Variants in TMEM17 observed in about 807,000 individuals in gnomAD.
TMEM17 encodes transmembrane protein 17.
TMEM17 carries 15 observed loss-of-function variants against 19.1 expected under a neutral mutation model. That is an observed-to-expected ratio of 0.78 (90% CI 0.52 to 1.21). The LOEUF (loss-of-function observed/expected upper bound fraction) is 1.21, where lower values mean the gene tolerates loss of function less well. Ranked by LOEUF, TMEM17 falls within the 50% of genes most tolerant of loss-of-function variation. The pLI is 0.00. For missense variants in TMEM17, 245 were observed against 242.3 expected, an observed-to-expected ratio of 1.01 and a Z score of -0.07; for synonymous variants, 103 against 86.9, an observed-to-expected ratio of 1.19 and a Z score of -1.03.
rs376566068 is a variant in TMEM17, at chr2:62,501,424, A to G, written c.382T>C (p.Leu128=). ...TTTGTTAGGCCTTCATTAAAGAGCA[A>G]GAAAAGAATTAAAGGTAACTGCAAT... ...LLLQLPLILF[L]LFNEGLTNLP... Residue 128 remains leucine (L), a synonymous_variant, in exon 4 of 4, where the codon TTG becomes CTG. Transcript: ENST00000335390. 6.8e-6 allele frequency: 11 copies of G among 1,614,132 alleles called. No homozygotes were observed. The African/African-American group carries it at 1.5e-4, about 22-fold the overall frequency.
chr2:62,470,636 G>A, the TMEM17 span, among the ~76,000 whole-genome samples: 1 of 152,196 alleles, frequency 6.6e-6, no homozygotes, highest in Non-Finnish European at 1.5e-5. Flanking sequence ...CACCACTGGG[G>A]GTGGGGTCCA....
chr2:62,484,289 T>C, the TMEM17 span, among the ~76,000 whole-genome samples: 5 of 152,190 alleles, frequency 3.3e-5, no homozygotes, highest in Admixed American at 2.0e-4. Flanking sequence ...CATTGAACAG[T>C]TGGGATGCAT....
intron 1 of TMEM17, among the ~76,000 whole-genome samples, chr2:62,503,164 T>G (rs1186637962): frequency 1.3e-5 from 2 of 152,156 alleles, no homozygotes; most frequent in Admixed American, 6.5e-5. Flanking sequence ...AATTAATGCA[T>G]AAAATAAATA....
intron 1 of TMEM17, among the ~76,000 whole-genome samples, chr2:62,505,769 C>A (rs1032330206): frequency 6.6e-6 from 1 of 152,262 alleles, no homozygotes; most frequent in South Asian, 2.1e-4. Context: ...GCACAGAGAT[C>A]GGCCCCACGT....
the TMEM17 span, among the ~76,000 whole-genome samples, chr2:62,465,988 G>A: frequency 2.0e-5 from 3 of 152,160 alleles, no homozygotes; most frequent in Non-Finnish European, 4.4e-5. Flanking sequence ...GTTTTAGTTG[G>A]AGAAAGGCAG....
the TMEM17 span, among the ~76,000 whole-genome samples, chr2:62,460,805 C>G: frequency 6.6e-6 from 1 of 152,080 alleles, no homozygotes; most frequent in African/African-American, 2.4e-5. Context: ...GAACTGGAAC[C>G]CTTGCCTCAT....
the TMEM17 span, among the ~76,000 whole-genome samples, chr2:62,488,789 CTACTT>C: frequency 1.0e-5 from 1 of 100,192 alleles, no homozygotes. Flanking sequence ...CTGTTTTATT[CTACTT>C]TTTTTTTTTT....
At chr2:62,461,768 G>A in the TMEM17 span, among the ~76,000 whole-genome samples, 9 of 152,282 alleles carry the variant, frequency 5.9e-5, no homozygotes, top group South Asian at 2.1e-4. Context: ...TGAAAACCTC[G>A]GAAGCAGCCC....
At chr2:62,470,846 C>A in the TMEM17 span, among the ~76,000 whole-genome samples, 1 of 152,324 alleles carries the variant, frequency 6.6e-6, no homozygotes, top group East Asian at 1.9e-4. Context: ...AACACTGCAA[C>A]CAACACCCTT....
downstream of TMEM17, among the ~76,000 whole-genome samples, chr2:62,496,976 A>C (rs1299651345): frequency 6.6e-6 from 1 of 152,174 alleles, no homozygotes; most frequent in Non-Finnish European, 1.5e-5. Flanking sequence ...AAAAAATAAT[A>C]ATCTAATAAC....
At chr2:62,456,411 G>T in the TMEM17 span, among the ~76,000 whole-genome samples, 7 of 151,756 alleles carry the variant, frequency 4.6e-5, no homozygotes, top group Non-Finnish European at 1.0e-4. Context: ...CTCTCTCTCT[G>T]TCTGCTTCCT....
the TMEM17 span, among the ~76,000 whole-genome samples, chr2:62,478,533 G>A: frequency 6.6e-6 from 1 of 152,140 alleles, no homozygotes; most frequent in Non-Finnish European, 1.5e-5. Flanking sequence ...AAATTTTGAG[G>A]CAACTAGACT....
chr2:62,465,235 A>G, the TMEM17 span, among the ~76,000 whole-genome samples: 2 of 152,228 alleles, frequency 1.3e-5, no homozygotes, highest in Admixed American at 6.5e-5. Flanking sequence ...GGAGTTGGTT[A>G]GGTCAGATCT....
At chr2:62,454,042 A>T in the TMEM17 span, among the ~76,000 whole-genome samples, 1 of 152,308 alleles carries the variant, frequency 6.6e-6, no homozygotes, top group East Asian at 1.9e-4. Flanking sequence ...CTTTTACTTA[A>T]AGGAAAGCTT....
chr2:62,478,458 A>G, the TMEM17 span, among the ~76,000 whole-genome samples: 1 of 152,242 alleles, frequency 6.6e-6, no homozygotes, highest in Admixed American at 6.5e-5. Context: ...CTCTGCATGC[A>G]GAAAGGCACA....
chr2:62,491,095 A>C, the TMEM17 span: 112 of 152,166 alleles, frequency 7.4e-4, 1 homozygote, highest in African/African-American at 2.4e-3. Context: ...AAAAAAAAAA[A>C]AAAAAAAAAA....
the TMEM17 span, among the ~76,000 whole-genome samples, chr2:62,477,874 G>A: frequency 1.3e-5 from 2 of 152,166 alleles, no homozygotes; most frequent in Non-Finnish European, 2.9e-5. Context: ...ACCTTGAGGG[G>A]CCGCCTGACC....
At chr2:62,473,796 G>C in the TMEM17 span, among the ~76,000 whole-genome samples, 1 of 152,226 alleles carries the variant, frequency 6.6e-6, no homozygotes, top group Non-Finnish European at 1.5e-5. Flanking sequence ...ATTTCCACAA[G>C]GGATCACAGA....
chr2:62,463,987 C>G, the TMEM17 span: 1 of 152,230 alleles, frequency 6.6e-6, no homozygotes, highest in African/African-American at 2.4e-5. Context: ...AGAAGATGAC[C>G]TACCCCCCCA....
Sources: gnomAD v4.1 joint callset for allele counts (sites outside exome capture counted in the v4.1 genomes callset) on GRCh38, gnomAD v4.1.1 for gene constraint, MANE v1.5 for transcripts, NCBI Gene and HGNC (gene_info 2026-07-23, HGNC 2026-07-21) for gene names.